Variants in SUMF1 observed in about 807,000 individuals in gnomAD.
SUMF1 encodes the protein sulfatase modifying factor 1, also known as formylglycine-generating enzyme.
In SUMF1, 48 loss-of-function variants were observed where a neutral mutation model predicts 47.6. The ratio of observed to expected loss-of-function variants is 1.01; its 90% CI spans 0.80 to 1.28. The LOEUF (loss-of-function observed/expected upper bound fraction) is 1.28, where lower values mean the gene tolerates loss of function less well. Ranked by LOEUF, SUMF1 falls within the 50% of genes most tolerant of loss-of-function variation. The pLI, the probability that SUMF1 is intolerant of heterozygous loss-of-function variation, is 0.00. For synonymous variants in SUMF1, 230 were observed against 192.1 expected (o/e 1.20, Z -1.63); for missense variants, 571 against 485.4 (o/e 1.18, Z -1.66).
At chr3:4,104,454 G>A (rs1028155497) in intron 8 of SUMF1, among the ~76,000 whole-genome samples, 4 of 151,838 alleles carry the variant, frequency 2.6e-5, no homozygotes, top group African/African-American at 9.7e-5. Flanking sequence ...ATCCTGCTCC[G>A]TGCCCCAACA....
At position 4,410,865 on chromosome 3, in the gene SUMF1, T is replaced by C. The variant is rs1406003938; in HGVS notation, c.954A>G (p.Pro318=). 3 of 1,613,428 alleles carry C rather than the reference T, an allele frequency of 1.9e-6. No homozygotes were observed. The highest frequency in any genetic ancestry group is 2.2e-5 in the East Asian group (1 of 44,886). ...VHHSVEETLN[P]KGPPSGKDRV... is the part of the protein sequence containing the mutation. ...CACATGCTCTGTGAATAATACTCAC[T>C]GGGTTAAGCGTTTCTTCAACAGAAT... Residue 318 remains proline, a splice_region_variant and synonymous_variant, in exon 7 of 9, where the codon CCA becomes CCG. Coordinates refer to ENST00000272902, the MANE Select transcript of SUMF1 (RefSeq NM_182760.4).
intron 9 of SUMF1, among the ~76,000 whole-genome samples, chr3:4,038,345 A>C (rs1218927425): frequency 6.6e-6 from 1 of 152,050 alleles, no homozygotes; most frequent in African/African-American, 2.4e-5. Flanking sequence ...AGTCTGTGGG[A>C]GAAGGACTGG....
chr3:4,405,164 C>A (rs1000983164), intron 7 of SUMF1, among the ~76,000 whole-genome samples: 4 of 152,136 alleles, frequency 2.6e-5, no homozygotes, highest in African/African-American at 9.7e-5. Context: ...GCCCTAAGTC[C>A]TATCATGCAA....
intron 8 of SUMF1, among the ~76,000 whole-genome samples, chr3:4,191,711 A>G (rs2125143414): frequency 6.6e-6 from 1 of 152,234 alleles, no homozygotes; most frequent in East Asian, 1.9e-4. Context: ...TGATTTCTAG[A>G]TTTTTGGATT....
intron 3 of SUMF1, among the ~76,000 whole-genome samples, chr3:4,424,051 T>C (rs1221726978): frequency 6.6e-6 from 1 of 152,228 alleles, no homozygotes; most frequent in Non-Finnish European, 1.5e-5. Flanking sequence ...TATTTCTTTA[T>C]AGCAATTGCA....
At chr3:4,291,463 C>G (rs1015133240) in intron 8 of SUMF1, among the ~76,000 whole-genome samples, 4 of 152,102 alleles carry the variant, frequency 2.6e-5, no homozygotes, top group African/African-American at 9.7e-5. Context: ...CTTTTTACCA[C>G]TTTATTTCAT....
chr3:4,157,224 C>T (rs1694472678), intron 8 of SUMF1, among the ~76,000 whole-genome samples: 2 of 151,526 alleles, frequency 1.3e-5, no homozygotes, highest in Admixed American at 1.3e-4. Context: ...ATTCTTACTT[C>T]TCTAGCTCAC....
intron 8 of SUMF1, among the ~76,000 whole-genome samples, chr3:4,170,103 T>A (rs1271056313): frequency 6.6e-6 from 1 of 152,188 alleles, no homozygotes; most frequent in Non-Finnish European, 1.5e-5. Context: ...TAAAGTTCAA[T>A]GGAACACAAT....
chr3:4,440,189 G>A (rs1388545332), intron 3 of SUMF1, among the ~76,000 whole-genome samples: 3 of 143,286 alleles, frequency 2.1e-5, no homozygotes, highest in Admixed American at 7.4e-5. Context: ...GCAGTGAGCT[G>A]AGATCATCAC....
chr3:4,462,597 C>T (rs937221293), intron 1 of SUMF1, among the ~76,000 whole-genome samples: 7 of 152,168 alleles, frequency 4.6e-5, no homozygotes, highest in Non-Finnish European at 1.0e-4. Flanking sequence ...ATAGAATCAG[C>T]TCATACGTAA....
chr3:4,061,753 A>T (rs538625382), intron 9 of SUMF1, among the ~76,000 whole-genome samples: 1 of 152,256 alleles, frequency 6.6e-6, no homozygotes, highest in East Asian at 1.9e-4. Context: ...TGGGTTGAAC[A>T]GTTGACAGCC....
chr3:4,187,790 G>C (rs905582697), intron 8 of SUMF1, among the ~76,000 whole-genome samples: 1 of 151,956 alleles, frequency 6.6e-6, no homozygotes, highest in Admixed American at 6.6e-5. Context: ...TTTGAATATT[G>C]TGTCCTAAGC....
In SUMF1 at chr3:4,414,267, G is replaced by A. The variant is rs143002184; in HGVS notation, c.840+2861C>T. Among the ~76,000 whole-genome samples the A allele has an allele frequency of 1.2e-3, 189 of 152,316 alleles. 2 individuals are homozygous for A. In the South Asian group the frequency reaches 0.014, roughly 11 times the overall value. On this transcript the variant is annotated intron_variant, in intron 6 of 8. Transcript: ENST00000272902. ...AATCACTTGAGCCCAGGAGGCTGAG[G>A]TTGCAGTAAGCTGTGATCATGCCAC...
chr3:4,437,893 C>A (rs528698388), intron 3 of SUMF1, among the ~76,000 whole-genome samples: 39 of 151,890 alleles, frequency 2.6e-4, no homozygotes, highest in Non-Finnish European at 4.7e-4. Context: ...GAGCTGAGAT[C>A]GTGCCACTGC....
chr3:4,443,370 T>C (rs902908866), intron 3 of SUMF1, among the ~76,000 whole-genome samples: 1 of 151,876 alleles, frequency 6.6e-6, no homozygotes, highest in Non-Finnish European at 1.5e-5. Flanking sequence ...TCAGATGAGG[T>C]AGAGAAGTCA....
intron 8 of SUMF1, among the ~76,000 whole-genome samples, chr3:4,369,832 T>C (rs1228116733): frequency 6.6e-6 from 1 of 152,090 alleles, no homozygotes; most frequent in East Asian, 1.9e-4. Context: ...TGAGTAACAC[T>C]AGTTTATAGG....
intron 8 of SUMF1, among the ~76,000 whole-genome samples, chr3:4,326,539 A>C (rs948610364): frequency 1.5e-5 from 1 of 68,688 alleles, no homozygotes; most frequent in Admixed American, 1.2e-4. Flanking sequence ...TTTTTTTGAG[A>C]TAGATCCTCA....
intron 8 of SUMF1, among the ~76,000 whole-genome samples, chr3:4,259,013 A>C (rs1180361691): frequency 6.7e-6 from 1 of 150,240 alleles, no homozygotes; most frequent in Non-Finnish European, 1.5e-5. Flanking sequence ...TATCGCAAGA[A>C]CAAAAAACCA....
In SUMF1 at chr3:4,420,165, A is replaced by G. The variant is rs1701844689; in HGVS notation, c.520-19T>C. ...CTGCAACCTCAAAGCAACCCAGAAC[A>G]GGCTGATGTTAGCTACTAACATCAA... On this transcript the variant is annotated intron_variant, in intron 3 of 8. Transcript: ENST00000272902. 1 of 1,607,166 alleles carries G rather than the reference A, an allele frequency of 6.2e-7. No individual in the cohort carries two copies. The highest frequency in any genetic ancestry group is 1.7e-5 in the Admixed American group (1 of 59,944).
Sources: allele counts gnomAD v4.1 joint callset (sites outside exome capture counted in the v4.1 genomes callset), GRCh38; gene constraint gnomAD v4.1.1; transcripts MANE v1.5; gene names NCBI Gene and HGNC (gene_info 2026-07-23, HGNC 2026-07-21).